Variants in SDHAF2 observed in about 807,000 individuals in gnomAD.
SDHAF2 encodes succinate dehydrogenase assembly factor 2, mitochondrial.
A neutral mutation model predicts 18.5 loss-of-function variants in SDHAF2; 21 were observed. The ratio of observed to expected loss-of-function variants is 1.13; its 90% CI spans 0.80 to 1.63. SDHAF2 has a LOEUF of 1.63. Ranked by LOEUF, SDHAF2 falls within the 40% of genes most tolerant of loss-of-function variation. SDHAF2 has a pLI of 0.00. For missense variants in SDHAF2, 195 were observed against 200.3 expected (o/e 0.97, Z 0.16); for synonymous variants, 84 against 70.7 (o/e 1.19, Z -0.94).
At chr11:61,434,365 G>A (rs913230612) in intron 1 of SDHAF2, 5 of 152,138 alleles carry the variant, frequency 3.3e-5, no homozygotes, top group African/African-American at 1.2e-4. Flanking sequence ...TTTTAGTAGA[G>A]ACGGTTTCGC....
intron 3 of SDHAF2, among the ~76,000 whole-genome samples, chr11:61,444,902 G>A (rs556659481): frequency 8.5e-5 from 13 of 152,198 alleles, no homozygotes; most frequent in Middle Eastern, 3.4e-3. Context: ...GGGTTGCCTC[G>A]TGACCTCAGT....
chr11:61,431,027 T>A (rs961015477), intron 1 of SDHAF2: 1 of 151,242 alleles, frequency 6.6e-6, no homozygotes, highest in Non-Finnish European at 1.5e-5. Context: ...TTTGTTGTTT[T>A]CCTTTTTTTT....
intron 3 of SDHAF2, among the ~76,000 whole-genome samples, chr11:61,443,273 A>G (rs974432866): frequency 9.9e-5 from 15 of 151,140 alleles, no homozygotes; most frequent in Admixed American, 4.6e-4. Flanking sequence ...GGAGTTTCCA[A>G]CTCTGCTAGA....
chr11:61,439,043 CAA>C (rs556484264), intron 3 of SDHAF2, among the ~76,000 whole-genome samples: 6 of 137,158 alleles, frequency 4.4e-5, no homozygotes, highest in Admixed American at 1.5e-4. Flanking sequence ...GACTATGTCT[CAA>C]AAAAAAAAAA....
At chr11:61,439,449 A>G (rs757005882) in intron 3 of SDHAF2, among the ~76,000 whole-genome samples, 28 of 152,352 alleles carry the variant, frequency 1.8e-4, no homozygotes, top group Admixed American at 1.4e-3. Flanking sequence ...AACCATAAGG[A>G]AAAATAATAT....
Position 61,445,955 on chromosome 11 carries a change from C to A in SDHAF2, c.385C>A (p.Pro129Thr). 1.2e-6 allele frequency: 2 copies of A among 1,614,086 alleles called. No homozygotes were observed. Among genetic ancestry groups the A allele is most frequent in the Non-Finnish European group, 1.7e-6 (2 of 1,180,036 alleles). ...TTCTCTTGCAGAAGCTAAACCAGCC[C>A]CAGAAATATTTGAAAATGAAGTCAT... ...YYWATEAKPA[P>T]EIFENEVMAL... The change falls in exon 4 of 4, where the codon CCA (proline) becomes ACA (threonine). Residue 129 changes from proline (P) to threonine (T), a missense_variant. Pro to Thr is a conservative substitution (Grantham distance 38). Transcript: ENST00000301761.
At position 61,437,751 on chromosome 11, in the gene SDHAF2, T is replaced by C. The variant is rs771133722; in HGVS notation, c.163T>C (p.Trp55Arg). 1.2e-6 allele frequency: 2 copies of C among 1,614,076 alleles called. No individual in the cohort carries two copies. Among genetic ancestry groups the C allele is most frequent in the Admixed American group, 1.7e-5 (1 of 60,010 alleles). The change falls in exon 2 of 4, where the codon TGG (tryptophan) becomes CGG (arginine). Residue 55 changes from tryptophan (W) to arginine (R), a missense_variant. Physicochemically the swap from Trp to Arg is moderately radical, Grantham distance 101. Transcript: ENST00000301761. ...CATGATTGAAATCCCTTTGCCTCCA[T>C]GGCAGGAGAGAACTGATGAATCCAT... ...KDMIEIPLPP[W>R]QERTDESIET...
intron 1 of SDHAF2, 104 bp downstream of exon 1, chr11:61,430,286 G>A (rs948822348): frequency 2.0e-5 from 30 of 1,480,506 alleles, no homozygotes; most frequent in Non-Finnish European, 2.6e-5. Flanking sequence ...CTGCCCGATA[G>A]CGCAGGGCAA....
In SDHAF2 at chr11:61,445,925, C is replaced by G; in HGVS notation, c.371-16C>G. The G allele has an allele frequency of 6.2e-7, 1 of 1,614,080 alleles. No homozygotes were observed. The highest frequency in any genetic ancestry group is 1.3e-5 in the African/African-American group (1 of 75,046). On this transcript the variant is annotated splice_polypyrimidine_tract_variant and intron_variant, in intron 3 of 3. Transcript: ENST00000301761. ...TGACTATGGCATAATTTTTTCTGCCCACTCTTCTCTTGCAGAAGCTAAACC... is the reference window on the plus strand; with the variant it reads ...TGACTATGGCATAATTTTTTCTGCCGACTCTTCTCTTGCAGAAGCTAAACC...
chr11:61,437,474 T>A (rs1393414356), intron 1 of SDHAF2, 151 bp from the exon 2 acceptor site: 6 of 772,236 alleles, frequency 7.8e-6, no homozygotes, highest in Non-Finnish European at 1.4e-5. Flanking sequence ...AGTGCTGGGA[T>A]TACAGGTGTG....
intron 3 of SDHAF2, among the ~76,000 whole-genome samples, chr11:61,440,555 T>G (rs1342983099): frequency 1.3e-5 from 2 of 152,032 alleles, no homozygotes; most frequent in Non-Finnish European, 2.9e-5. Flanking sequence ...GAGCCAAGAT[T>G]GGGCCACTGC....
chr11:61,444,722 G>A (rs904868265), intron 3 of SDHAF2, among the ~76,000 whole-genome samples: 4 of 152,140 alleles, frequency 2.6e-5, no homozygotes, highest in African/African-American at 4.8e-5. Flanking sequence ...CAGCCTGGGC[G>A]ACAGAGTGAG....
At position 61,438,958 on chromosome 11, in the gene SDHAF2, C is replaced by T. The variant is rs61897291; in HGVS notation, c.370+845C>T. On this transcript the variant is annotated intron_variant, in intron 3 of 3. Coordinates refer to ENST00000301761, the MANE Select transcript of SDHAF2 (RefSeq NM_017841.4). ...ACTTGGGAGGCTGAGGCAAGAGAAT[C>T]GCTTGAGCCTGGGAGACAGAGATTG... 8.1e-3 allele frequency among the ~76,000 whole-genome samples: 1,232 copies of T among 152,164 alleles called. 6 individuals are homozygous for T. The highest frequency in any genetic ancestry group is 0.013 in the Non-Finnish European group (855 of 68,012).
At chr11:61,444,349 C>T (rs1862110159) in intron 3 of SDHAF2, 1 of 152,298 alleles carries the variant, frequency 6.6e-6, no homozygotes, top group African/African-American at 2.4e-5. Context: ...GTCGAAATTC[C>T]TGTGCTGATC....
In SDHAF2 at chr11:61,438,002, A is replaced by T. The variant is rs745989557; in HGVS notation, c.261-2A>T. The T allele has an allele frequency of 2.5e-6, 4 of 1,613,038 alleles. No homozygotes were observed. The highest frequency in any genetic ancestry group is 3.4e-6 in the Non-Finnish European group (4 of 1,179,480). On this transcript the variant is annotated splice_acceptor_variant, in intron 2 of 3. Transcript: ENST00000301761. LOFTEE classifies it high-confidence loss of function. ...TTTTCTTTTTTTCTTTCTTGTTTTT[A>T]GTCTTTTTGCTAAAGAACATCTGCA...
intron 1 of SDHAF2, chr11:61,431,225 G>A (rs186487246): frequency 6.6e-6 from 1 of 152,234 alleles, no homozygotes; most frequent in South Asian, 2.1e-4. Context: ...GTTTCACCTT[G>A]TTGGCCAGGC....
intron 3 of SDHAF2, among the ~76,000 whole-genome samples, chr11:61,440,798 A>G (rs1281910826): frequency 6.6e-6 from 1 of 152,188 alleles, no homozygotes; most frequent in African/African-American, 2.4e-5. Context: ...CAGGTAAACG[A>G]ATATGATTGT....
intron 1 of SDHAF2, chr11:61,433,635 AT>A (rs1565127355): frequency 6.6e-6 from 1 of 152,210 alleles, no homozygotes; most frequent in Non-Finnish European, 1.5e-5. Context: ...GTTGTTAAAA[AT>A]TCATTCGTCA....
In SDHAF2 at chr11:61,446,158, A is replaced by G. The variant is rs1366446483; in HGVS notation, c.*87A>G. On this transcript the variant is annotated 3_prime_UTR_variant, in exon 4 of 4. Transcript: ENST00000301761. ...GTTAGCCTTGCTTCCGGCTTCTTAG[A>G]TGCCCAGCTGCCCTACCCCAGACCA... The G allele has an allele frequency of 1.3e-6, 2 of 1,510,110 alleles. No individual in the cohort carries two copies. The highest frequency in any genetic ancestry group is 1.4e-5 in the African/African-American group (1 of 72,944). The allele number at this position is 1,510,110 out of a possible 1,614,324, so 93.5% of individuals were successfully genotyped here.
Sources: gnomAD v4.1 joint callset for allele counts (sites outside exome capture counted in the v4.1 genomes callset) on GRCh38, gnomAD v4.1.1 for gene constraint, MANE v1.5 for transcripts, NCBI Gene and HGNC (gene_info 2026-07-23, HGNC 2026-07-21) for gene names.